TES: variants seen among roughly 807,000 people sequenced by gnomAD.
TES encodes testin.
TES carries 41 observed loss-of-function variants against 48.2 expected under a neutral mutation model. The ratio of observed to expected loss-of-function variants is 0.85; its 90% CI spans 0.66 to 1.10. TES has a LOEUF of 1.10. TES is among the 50% of genes least tolerant of loss of function. The pLI is 0.00. For synonymous variants in TES, 162 were observed against 174.9 expected (o/e 0.93, Z 0.58); for missense variants, 463 against 515.1 (o/e 0.90, Z 0.98).
intron 2 of TES, among the ~76,000 whole-genome samples, chr7:116,242,360 T>C (rs1319253959): frequency 6.6e-6 from 1 of 152,200 alleles, no homozygotes; most frequent in African/African-American, 2.4e-5. Flanking sequence ...CTTGCTGCTT[T>C]CCACTAGATG....
intron 6 of TES, among the ~76,000 whole-genome samples, chr7:116,254,208 T>C (rs530997275): frequency 6.6e-6 from 1 of 152,272 alleles, no homozygotes; most frequent in African/African-American, 2.4e-5. Context: ...AGGACTAGAA[T>C]GTAACTCCAT....
chr7:116,251,311 G>A (rs1584629026), intron 4 of TES, among the ~76,000 whole-genome samples: 1 of 152,112 alleles, frequency 6.6e-6, no homozygotes, highest in African/African-American at 2.4e-5. Flanking sequence ...TATCTACATC[G>A]ACAAATTTGT....
chr7:116,235,005 T>C (rs1183754237), intron 2 of TES, among the ~76,000 whole-genome samples: 1 of 152,226 alleles, frequency 6.6e-6, no homozygotes, highest in Non-Finnish European at 1.5e-5. Flanking sequence ...AGTGCAGTGG[T>C]GTGATCTCAG....
At chr7:116,237,203 C>T (rs1451180403) in intron 2 of TES, among the ~76,000 whole-genome samples, 1 of 152,128 alleles carries the variant, frequency 6.6e-6, no homozygotes, top group Non-Finnish European at 1.5e-5. Context: ...CCCACTTAGC[C>T]TCCTCCTCCA....
Position 116,251,889 on chromosome 7 carries a change from A to T in TES, c.832A>T (p.Met278Leu). The change falls in exon 5 of 7, where the codon ATG becomes TTG. Residue 278 changes from methionine (M) to leucine (L), a missense_variant. Transcript: ENST00000358204. ...CACCTGCCATGAACTCCTGGTTGAC[A>T]TGATTTATTTTTGGAAGAATGAGAA... ...CSTCHELLVD[M>L]IYFWKNEKLY... 6.2e-7 allele frequency: 1 copy of T among 1,614,094 alleles called. No homozygotes were observed.
At chr7:116,236,267 A>G (rs1233242002) in intron 2 of TES, among the ~76,000 whole-genome samples, 1 of 152,208 alleles carries the variant, frequency 6.6e-6, no homozygotes, top group East Asian at 1.9e-4. Context: ...CATAAAATCC[A>G]AAATCCAAAA....
In TES at chr7:116,210,581, A is replaced by C; in HGVS notation, c.-127A>C. On this transcript the variant is annotated 5_prime_UTR_variant, in exon 1 of 7. Coordinates refer to ENST00000358204, the MANE Select transcript of TES (RefSeq NM_015641.4). ...GGCGGAAGTTCGACGGCGCCGGGCG[A>C]GTGGCTGTTGAGCGGCGCCGCGGGA... The C allele has an allele frequency of 5.7e-6, 6 of 1,047,442 alleles. No homozygotes were observed. In the East Asian group the frequency reaches 1.4e-4, roughly 24 times the overall value. The allele number at this position is 1,047,442 out of a possible 1,614,324, so 64.9% of individuals were successfully genotyped here. A position where few individuals can be genotyped will look rare whatever the true frequency, so the allele number is the denominator to read the frequency against.
intron 1 of TES, among the ~76,000 whole-genome samples, chr7:116,220,701 T>C (rs1799545337): frequency 6.6e-6 from 1 of 152,158 alleles, no homozygotes; most frequent in East Asian, 1.9e-4. Context: ...GAACCAGAAC[T>C]GCATTAAAGT....
intron 2 of TES, among the ~76,000 whole-genome samples, chr7:116,244,148 C>G (rs1364726887): frequency 6.6e-6 from 1 of 152,148 alleles, no homozygotes; most frequent in Non-Finnish European, 1.5e-5. Context: ...CCCAGCCCCT[C>G]CCAAATCTCA....
At chr7:116,210,847 C>T in intron 1 of TES, 113 bp downstream of exon 1, 2 of 985,522 alleles carry the variant, frequency 2.0e-6, no homozygotes, top group Non-Finnish European at 1.3e-6. Context: ...GGTGTGAGCC[C>T]GGCTCTGGGT....
At chr7:116,233,330 C>T (rs1799724783) in intron 1 of TES, among the ~76,000 whole-genome samples, 1 of 152,166 alleles carries the variant, frequency 6.6e-6, no homozygotes, top group African/African-American at 2.4e-5. Context: ...CACCCCACTC[C>T]TTCCACTTAT....
chr7:116,230,877 C>T (rs748307109), intron 1 of TES, among the ~76,000 whole-genome samples: 2 of 152,196 alleles, frequency 1.3e-5, no homozygotes, highest in African/African-American at 2.4e-5. Flanking sequence ...ACTGCTCAGC[C>T]TTTCCATTGT....
At chr7:116,218,901 TA>T (rs969139463) in intron 1 of TES, among the ~76,000 whole-genome samples, 3 of 152,022 alleles carry the variant, frequency 2.0e-5, no homozygotes, top group African/African-American at 4.8e-5. Context: ...CAGGGCCAAT[TA>T]AAAAAATTAT....
intron 1 of TES, among the ~76,000 whole-genome samples, chr7:116,229,625 A>C (rs938461747): frequency 2.6e-5 from 4 of 152,188 alleles, no homozygotes; most frequent in African/African-American, 7.2e-5. Context: ...CTTTTACCAC[A>C]GATTAGAGTC....
At chr7:116,250,031 T>C in intron 3 of TES, 130 bp from the exon 4 acceptor site, 2 of 610,502 alleles carry the variant, frequency 3.3e-6, no homozygotes, top group Non-Finnish European at 5.1e-6. Context: ...CTTAATATAC[T>C]GTGAGGGTGA....
At chr7:116,216,113 G>A (rs1459743734) in intron 1 of TES, among the ~76,000 whole-genome samples, 1 of 152,070 alleles carries the variant, frequency 6.6e-6, no homozygotes, top group Non-Finnish European at 1.5e-5. Flanking sequence ...TACCAAGAGG[G>A]GCTTTCTTAG....
chr7:116,210,621 C>T lies in TES; in HGVS notation c.-87C>T, dbSNP rs11549785. The T allele has an allele frequency of 0.29, 369,037 of 1,257,408 alleles. 57,137 individuals are homozygous for T. The highest frequency in any genetic ancestry group is 0.36 in the Admixed American group (8,995 of 25,114). 77.9% of individuals were successfully genotyped at this position (1,257,408 alleles called of 1,614,324 possible). ...GCGCCGCGGGAGTTCCGCAGGTTTC[C>T]CGTGTTCGCAGCGGAGCCGGAGGCC... On this transcript the variant is annotated 5_prime_UTR_variant, in exon 1 of 7. Coordinates refer to ENST00000358204, the MANE Select transcript of TES (RefSeq NM_015641.4).
chr7:116,241,647 A>G (rs1799850067), intron 2 of TES, among the ~76,000 whole-genome samples: 1 of 152,110 alleles, frequency 6.6e-6, no homozygotes, highest in African/African-American at 2.4e-5. Context: ...GGTTTTCTCT[A>G]CTTAGGAAAC....
Position 116,257,551 on chromosome 7 carries a change from A to G in TES, c.*69A>G. 8.2e-7 allele frequency: 1 copy of G among 1,213,850 alleles called. No individual in the cohort carries two copies. The highest frequency in any genetic ancestry group is 1.6e-5 in the African/African-American group (1 of 64,254). The allele number at this position is 1,213,850 out of a possible 1,614,324, so 75.2% of individuals were successfully genotyped here. On this transcript the variant is annotated 3_prime_UTR_variant, in exon 7 of 7. Transcript: ENST00000358204. ...GTCTGCATTTCTACTGTAAAATGCA[A>G]TTTGAAAAAAATAAAACGCAAAAAA...
Sources: allele counts gnomAD v4.1 joint callset (sites outside exome capture counted in the v4.1 genomes callset), GRCh38; gene constraint gnomAD v4.1.1; transcripts MANE v1.5; gene names NCBI Gene and HGNC (gene_info 2026-07-23, HGNC 2026-07-21).